Variants in GALNTL6 observed in about 807,000 individuals in gnomAD.
GALNTL6 encodes the protein polypeptide N-acetylgalactosaminyltransferase-like 6.
Under a neutral mutation model 73.7 loss-of-function variants are expected in GALNTL6, and 46 were observed. That is an observed-to-expected ratio of 0.62 (90% CI 0.49 to 0.80). The LOEUF (loss-of-function observed/expected upper bound fraction) is 0.80, where lower values mean the gene tolerates loss of function less well. Ranked by LOEUF, GALNTL6 falls within the 30% of genes least tolerant of loss-of-function variation. GALNTL6 has a pLI of 0.00. For synonymous variants in GALNTL6, 259 were observed against 263.7 expected (o/e 0.98, Z 0.17); for missense variants, 604 against 755.0 (o/e 0.80, Z 2.34).
rs563574859 is a variant in GALNTL6 at position 172,269,472 on chromosome 4, C to T, written c.247+39708C>T. Among the ~76,000 whole-genome samples the T allele has an allele frequency of 6.6e-5, 10 of 152,186 alleles. No individual in the cohort carries two copies. The South Asian group carries it at 2.1e-3, about 32-fold the overall frequency. ...CGGCAAATAGGGTCCCAGACCCTAC[C>T]CCTTCCCTCCAATGTCAGGAAGATA... On this transcript the variant is annotated intron_variant, in intron 3 of 12. Coordinates refer to ENST00000506823, the MANE Select transcript of GALNTL6 (RefSeq NM_001034845.3).
intron 2 of GALNTL6, among the ~76,000 whole-genome samples, chr4:172,007,878 G>A (rs777353341): frequency 3.3e-5 from 5 of 151,798 alleles, no homozygotes; most frequent in Non-Finnish European, 7.4e-5. Context: ...AATAAAATAA[G>A]GTCAACTTGT....
chr4:171,890,352 T>TA (rs1736727075), intron 2 of GALNTL6, among the ~76,000 whole-genome samples: 1 of 152,176 alleles, frequency 6.6e-6, no homozygotes, highest in East Asian at 1.9e-4. Flanking sequence ...TTGTTTCTTT[T>TA]AAAATCCCAA....
chr4:172,763,035 A>C (rs376800683), intron 5 of GALNTL6, among the ~76,000 whole-genome samples: 3 of 152,160 alleles, frequency 2.0e-5, no homozygotes, highest in East Asian at 1.9e-4. Flanking sequence ...CTCATGGTTC[A>C]CTTGAGTAGC....
chr4:172,540,237 C>T (rs536442367), intron 5 of GALNTL6, among the ~76,000 whole-genome samples: 1 of 151,576 alleles, frequency 6.6e-6, no homozygotes, highest in East Asian at 2.0e-4. Context: ...TTTTAGTAGA[C>T]ACGGGGTTTC....
chr4:172,929,455 G>C (rs1302594669), intron 8 of GALNTL6, among the ~76,000 whole-genome samples: 1 of 152,148 alleles, frequency 6.6e-6, no homozygotes, highest in African/African-American at 2.4e-5. Flanking sequence ...GGAAGAGAGA[G>C]ATTAATTTTA....
chr4:171,990,742 A>T (rs1196039712), intron 2 of GALNTL6, among the ~76,000 whole-genome samples: 7 of 152,208 alleles, frequency 4.6e-5, no homozygotes, highest in Non-Finnish European at 1.0e-4. Flanking sequence ...AAAGAGAAAC[A>T]ATGCATCTTT....
At chr4:172,373,334 G>C (rs1742895906) in intron 5 of GALNTL6, among the ~76,000 whole-genome samples, 1 of 152,226 alleles carries the variant, frequency 6.6e-6, no homozygotes, top group Non-Finnish European at 1.5e-5. Context: ...TGAGAGAGCA[G>C]GGAATAGGGG....
chr4:171,868,384 C>A (rs12499522), intron 2 of GALNTL6, among the ~76,000 whole-genome samples: 4 of 151,884 alleles, frequency 2.6e-5, no homozygotes, highest in Non-Finnish European at 5.9e-5. Flanking sequence ...CAATAGATAT[C>A]TCTTTTATTC....
At chr4:171,824,352 G>C (rs1734770853) in intron 2 of GALNTL6, among the ~76,000 whole-genome samples, 2 of 151,926 alleles carry the variant, frequency 1.3e-5, no homozygotes, top group South Asian at 4.2e-4. Context: ...CCTGGTGTTA[G>C]TTCCAGTTCC....
At chr4:171,906,420 T>C (rs1254386857) in intron 2 of GALNTL6, among the ~76,000 whole-genome samples, 2 of 151,716 alleles carry the variant, frequency 1.3e-5, no homozygotes, top group Admixed American at 1.3e-4. Context: ...CCTCGACACA[T>C]ACACTCTCCC....
chr4:172,804,553 G>T (rs369718086), intron 5 of GALNTL6, among the ~76,000 whole-genome samples: 1 of 152,150 alleles, frequency 6.6e-6, no homozygotes, highest in African/African-American at 2.4e-5. Flanking sequence ...GCAACTAGTG[G>T]CTGGGCCTCC....
chr4:173,041,447 T>C lies in GALNTL6; in HGVS notation c.*1347T>C, dbSNP rs551777585. The C allele has an allele frequency of 1.3e-3, 192 of 152,264 alleles. 1 individual carries two copies. The highest frequency in any genetic ancestry group is 4.5e-3 in the African/African-American group (188 of 41,570). 9.4% of individuals were successfully genotyped at this position (152,264 alleles called of 1,614,324 possible). ...CAAGGTGGTTCTTGGGAAAAAAGAA[T>C]CATGTTTATTATATATCTCTCAAGT... On this transcript the variant is annotated 3_prime_UTR_variant, in exon 13 of 13. Coordinates refer to ENST00000506823, the MANE Select transcript of GALNTL6 (RefSeq NM_001034845.3).
chr4:172,750,766 G>A (rs1398349799), intron 5 of GALNTL6, among the ~76,000 whole-genome samples: 1 of 152,092 alleles, frequency 6.6e-6, no homozygotes, highest in Non-Finnish European at 1.5e-5. Context: ...AATATCTATT[G>A]TATTTTACCC....
intron 8 of GALNTL6, among the ~76,000 whole-genome samples, chr4:172,925,529 A>G (rs1056501498): frequency 2.6e-5 from 4 of 152,222 alleles, no homozygotes; most frequent in Admixed American, 2.6e-4. Context: ...TAATCAAGGT[A>G]GGCCTCATCT....
intron 5 of GALNTL6, 81 bp downstream of exon 5, chr4:172,348,770 G>A: frequency 1.2e-6 from 1 of 862,696 alleles, no homozygotes; most frequent in South Asian, 2.6e-5. Flanking sequence ...AAGACAATGG[G>A]AGCTTCTTTC....
intron 3 of GALNTL6, among the ~76,000 whole-genome samples, chr4:172,257,528 T>C (rs899315332): frequency 1.3e-5 from 2 of 151,470 alleles, no homozygotes; most frequent in East Asian, 1.9e-4. Flanking sequence ...GTGCTCTAGC[T>C]ACAAAATTCC....
chr4:172,419,612 T>G (rs1331884889), intron 5 of GALNTL6, among the ~76,000 whole-genome samples: 1 of 152,140 alleles, frequency 6.6e-6, no homozygotes, highest in Non-Finnish European at 1.5e-5. Flanking sequence ...AATTGAGGCT[T>G]TATGAAGTTA....
At chr4:171,963,267 C>T (rs1739284552) in intron 2 of GALNTL6, among the ~76,000 whole-genome samples, 1 of 152,068 alleles carries the variant, frequency 6.6e-6, no homozygotes, top group Non-Finnish European at 1.5e-5. Flanking sequence ...AATGATGTAG[C>T]TAGGAGTACA....
intron 5 of GALNTL6, among the ~76,000 whole-genome samples, chr4:172,525,236 G>T (rs1734912651): frequency 6.6e-6 from 1 of 152,116 alleles, no homozygotes; most frequent in African/African-American, 2.4e-5. Flanking sequence ...AGCTATAAAT[G>T]GATAATTTGC....
Sources: gnomAD v4.1 joint callset for allele counts (sites outside exome capture counted in the v4.1 genomes callset) on GRCh38, gnomAD v4.1.1 for gene constraint, MANE v1.5 for transcripts, NCBI Gene and HGNC (gene_info 2026-07-23, HGNC 2026-07-21) for gene names.